The following ALOX15 variants were observed in gnomAD, a reference collection of about 807,000 sequenced individuals.
ALOX15 encodes polyunsaturated fatty acid lipoxygenase ALOX15.
A neutral mutation model predicts 71.7 loss-of-function variants in ALOX15; 68 were observed. The ratio of observed to expected loss-of-function variants is 0.95; its 90% CI spans 0.78 to 1.16. The LOEUF (loss-of-function observed/expected upper bound fraction) is 1.16, where lower values mean the gene tolerates loss of function less well. Ranked by LOEUF, ALOX15 falls within the 50% of genes most tolerant of loss-of-function variation. The pLI is 0.00. For synonymous variants in ALOX15, 346 were observed against 333.3 expected (o/e 1.04, Z -0.42); for missense variants, 798 against 818.8 (o/e 0.97, Z 0.31).
chr17:4,636,107 G>A (rs1337055449), intron 7 of ALOX15, 139 bp from the exon 8 acceptor site: 23 of 900,844 alleles, frequency 2.6e-5, no homozygotes, highest in East Asian at 2.7e-5. Context: ...CGCTCCCTAC[G>A]GCTCCCGTTT....
Position 4,631,754 on chromosome 17 carries a change from T to C in ALOX15, c.1835A>G (p.Glu612Gly), listed in dbSNP as rs751640224. Residue 612 changes from glutamate (E) to glycine (G), a missense_variant, in exon 14 of 14, where the codon GAG becomes GGG. Glu to Gly is a moderately conservative substitution (Grantham distance 98). Around this residue, in one of 3 missense-constraint regions of ALOX15, gnomAD observed 490 missense variants for 509.4 expected, o/e 0.96. Coordinates refer to ENST00000293761, the MANE Select transcript of ALOX15 (RefSeq NM_001140.5). ...CTTAGGCTCAGGGCCCGAAAAATAC[T>C]CCTCCTCATGCTGGCCCACAGCCAC... ...VMVAVGQHEE[E>G]YFSGPEPKAV... 173 of 1,613,802 alleles carry C rather than the reference T, an allele frequency of 1.1e-4. No homozygotes were observed. The highest frequency in any genetic ancestry group is 1.4e-4 in the Non-Finnish European group (166 of 1,179,864).
rs1204658878 is a variant in ALOX15 at position 4,638,964 on chromosome 17, T to C, written c.428A>G (p.Asn143Ser). ...ATTCAGAATTAACCCGTCCTTCCAG[T>C]TTCCCCACCTGTGGGGCAGGAAGGA... is the stretch of plus-strand genomic sequence containing the variant. ...EERRKLYRWG[N>S]WKDGLILNMA... The change falls in exon 4 of 14, where the codon AAC becomes AGC. Residue 143 changes from asparagine to serine, a missense_variant. By Grantham distance (46) the Asn-to-Ser change is conservative (BLOSUM62 1). Transcript: ENST00000293761. 6.2e-7 allele frequency: 1 copy of C among 1,614,194 alleles called. No individual in the cohort carries two copies. The highest frequency in any genetic ancestry group is 1.3e-5 in the African/African-American group (1 of 75,052).
Position 4,631,616 on chromosome 17 carries a change from T to G in ALOX15, c.1973A>C (p.Asn658Thr). Residue 658 changes from asparagine to threonine, a missense_variant, in exon 14 of 14, where the codon AAC becomes ACC. Asn to Thr is a moderately conservative substitution (Grantham distance 65). Around this residue, in one of 3 missense-constraint regions of ALOX15, gnomAD observed 490 missense variants for 509.4 expected, o/e 0.96. Transcript: ENST00000293761. ...YEYLRPSVVE[N>T]SVAI ...TGGCGACGCTTAGATGGCCACACTG[T>G]TTTCCACCACGCTGGGCCGCAGGTA... is the stretch of plus-strand genomic sequence containing the variant. 1.2e-6 allele frequency: 2 copies of G among 1,613,260 alleles called. No homozygotes were observed. The highest frequency in any genetic ancestry group is 1.7e-6 in the Non-Finnish European group (2 of 1,179,998).
chr17:4,632,002 GC>G lies in ALOX15; in HGVS notation c.1695del (p.Pro566GlnfsTer11). The G allele has an allele frequency of 1.2e-6, 2 of 1,613,942 alleles. No homozygotes were observed. Among genetic ancestry groups the G allele is most frequent in the South Asian group, 2.2e-5 (2 of 91,046 alleles). On this transcript the variant is annotated frameshift_variant, in exon 13 of 14. Coordinates refer to ENST00000293761, the MANE Select transcript of ALOX15 (RefSeq NM_001140.5). LOFTEE classifies it high-confidence loss of function. ...PNAPCTMRLP[P>X]PTTKDATLET... ...TCCAGCGTTGCATCCTTGGTGGTTG[GC>G]GGGGGCAGCCGCATCGTGCAGGGTG...
In ALOX15 at chr17:4,631,332, A is replaced by T; in HGVS notation, c.*268T>A. The T allele has an allele frequency of 2.1e-6, 1 of 483,738 alleles. No individual in the cohort carries two copies. The highest frequency in any genetic ancestry group is 3.7e-6 in the Non-Finnish European group (1 of 272,626). The allele number at this position is 483,738 out of a possible 1,614,324, so 30.0% of individuals were successfully genotyped here. A position where few individuals can be genotyped will look rare whatever the true frequency, so the allele number is the denominator to read the frequency against. On this transcript the variant is annotated 3_prime_UTR_variant, in exon 14 of 14. Coordinates refer to ENST00000293761, the MANE Select transcript of ALOX15 (RefSeq NM_001140.5). ...TGAAATGATTTATATAATTGTGGCT[A>T]TTTGCCATATAGATCTGAATGAAGA...
At chr17:4,633,928 G>A (rs1270542892) in intron 8 of ALOX15, among the ~76,000 whole-genome samples, 4 of 152,186 alleles carry the variant, frequency 2.6e-5, no homozygotes, top group Non-Finnish European at 5.9e-5. Flanking sequence ...ACTAACACTG[G>A]AACAGAAAGC....
chr17:4,631,865 G>A (rs534089527), intron 13 of ALOX15, 24 bp downstream of exon 13: 43 of 1,607,068 alleles, frequency 2.7e-5, no homozygotes, highest in Non-Finnish European at 3.4e-5. Context: ...TCCTTCCTTA[G>A]GGCCCTGGGC....
intron 1 of ALOX15, among the ~76,000 whole-genome samples, 153 bp downstream of exon 1, chr17:4,641,364 C>CA (rs1348652622): frequency 6.6e-6 from 1 of 152,232 alleles, no homozygotes; most frequent in Non-Finnish European, 1.5e-5. Flanking sequence ...TAAAGCCCCC[C>CA]ACCCCCGTGG....
Position 4,632,199 on chromosome 17 carries a change from G to A in ALOX15, c.1623C>T (p.Ala541=). The change falls in exon 12 of 14, where the codon GCC becomes GCT. Residue 541 remains alanine (A), a synonymous_variant. Coordinates refer to ENST00000293761, the MANE Select transcript of ALOX15 (RefSeq NM_001140.5). The part of the protein sequence containing the change: ...MCIFTCTGQH[A]SVHLGQLDWY... ...TAAGTACCTGGCCCAGGTGCACAGA[G>A]GCGTGTTGGCCGGTGCAGGTGAAGA... 1 of 1,614,232 alleles carries A rather than the reference G, an allele frequency of 6.2e-7. No individual in the cohort carries two copies. The highest frequency in any genetic ancestry group is 8.5e-7 in the Non-Finnish European group (1 of 1,180,046).
intron 8 of ALOX15, among the ~76,000 whole-genome samples, chr17:4,633,908 TC>T (rs1156451251): frequency 6.6e-6 from 1 of 152,210 alleles, no homozygotes; most frequent in Non-Finnish European, 1.5e-5. Flanking sequence ...GAGGCCATAA[TC>T]CTAAGTGCAC....
intron 8 of ALOX15, among the ~76,000 whole-genome samples, chr17:4,634,981 A>AATG (rs1911047263): frequency 6.7e-6 from 1 of 150,120 alleles, no homozygotes; most frequent in Non-Finnish European, 1.5e-5. Flanking sequence ...TAATAATAAT[A>AATG]ATATTTTTCA....
At position 4,635,820 on chromosome 17, in the gene ALOX15, A is replaced by G. The variant is rs759767348; in HGVS notation, c.1100T>C (p.Met367Thr). ...LQSHLLRGHL[M>T]AEVIVVATMR... The stretch of plus-strand genomic sequence containing the variant: ...GGTGGCCACAACAATGACCTCAGCC[A>G]TCAAGTGTCCCCTCAGAAGATGAGA... The change falls in exon 8 of 14, where the codon ATG becomes ACG. Residue 367 changes from methionine to threonine, a missense_variant. By Grantham distance (81) the Met-to-Thr change is moderately conservative. Transcript: ENST00000293761. 1.2e-6 allele frequency: 2 copies of G among 1,614,270 alleles called. No individual in the cohort carries two copies. The highest frequency in any genetic ancestry group is 1.7e-6 in the Non-Finnish European group (2 of 1,180,054).
chr17:4,635,863 G>T lies in ALOX15; in HGVS notation c.1057C>A (p.Gln353Lys). The change falls in exon 8 of 14, where the codon CAG (glutamine) becomes AAG (lysine). Residue 353 changes from glutamine (Q) to lysine (K), a missense_variant. Around this residue, in one of 3 missense-constraint regions of ALOX15, gnomAD observed 490 missense variants for 509.4 expected, o/e 0.96. Transcript: ENST00000293761. ...AGATGAGACTGCAGCTCATGGAGCTGGAAGTCAGAGCTGCGCACCCAGCAT... is the reference window on the plus strand; with the variant it reads ...AGATGAGACTGCAGCTCATGGAGCTTGAAGTCAGAGCTGCGCACCCAGCAT... ...AKCWVRSSDF[Q>K]LHELQSHLLR... The T allele has an allele frequency of 6.2e-7, 1 of 1,614,270 alleles. No homozygotes were observed. The highest frequency in any genetic ancestry group is 1.6e-4 in the Middle Eastern group (1 of 6,062).
intron 8 of ALOX15, 25 bp from the exon 9 acceptor site, chr17:4,633,525 G>T: frequency 4.4e-6 from 7 of 1,594,662 alleles, no homozygotes; most frequent in Non-Finnish European, 6.0e-6. Flanking sequence ...ACAGGGAAGG[G>T]CAGAGTCAGA....
intron 1 of ALOX15, 41 bp from the exon 2 acceptor site, chr17:4,639,672 C>T (rs768746506): frequency 5.1e-6 from 8 of 1,566,086 alleles, no homozygotes; most frequent in Non-Finnish European, 2.6e-6. Flanking sequence ...TGGGGCCTGG[C>T]GGGAGGGGCA....
intron 8 of ALOX15, among the ~76,000 whole-genome samples, chr17:4,634,648 T>C (rs993558977): frequency 2.0e-5 from 3 of 152,150 alleles, no homozygotes; most frequent in African/African-American, 7.2e-5. Context: ...CTGTGCTTTA[T>C]ATAGATATAT....
At chr17:4,636,645 G>A (rs1267269787) in intron 7 of ALOX15, among the ~76,000 whole-genome samples, 5 of 152,046 alleles carry the variant, frequency 3.3e-5, no homozygotes, top group African/African-American at 4.8e-5. Flanking sequence ...TGCCCACACC[G>A]CGTGCCCACA....
chr17:4,638,399 C>G (rs1436899988), intron 5 of ALOX15, 22 bp from the exon 6 acceptor site: 1 of 842,942 alleles, frequency 1.2e-6, no homozygotes, highest in Non-Finnish European at 1.9e-6. Flanking sequence ...AGTTGTTGAG[C>G]AAGTTGTGGG....
At chr17:4,636,030 C>G (rs546349718) in intron 7 of ALOX15, 62 bp from the exon 8 acceptor site, 2 of 1,543,812 alleles carry the variant, frequency 1.3e-6, no homozygotes, top group African/African-American at 2.7e-5. Context: ...CGATTCCCGC[C>G]CCCCTTGCAT....
Sources: gnomAD v4.1 joint callset for allele counts (sites outside exome capture counted in the v4.1 genomes callset) on GRCh38, gnomAD v4.1.1 for gene constraint, gnomAD v4.1.1 regional missense constraint, MANE v1.5 for transcripts, NCBI Gene and HGNC (gene_info 2026-07-23, HGNC 2026-07-21) for gene names.